Variants in ITFG1 observed in about 807,000 individuals in gnomAD.
The protein encoded by ITFG1 is T-cell immunomodulatory protein.
ITFG1 carries 34 observed loss-of-function variants against 81.8 expected under a neutral mutation model. The ratio of observed to expected loss-of-function variants is 0.42; its 90% CI spans 0.32 to 0.55. The LOEUF (loss-of-function observed/expected upper bound fraction) is 0.55. ITFG1 is among the 20% of genes least tolerant of loss of function. ITFG1 has a pLI of 0.17. For missense variants in ITFG1, 672 were observed against 755.4 expected (o/e 0.89, Z 1.29); for synonymous variants, 285 against 270.6 (o/e 1.05, Z -0.52).
At chr16:47,385,501 A>T (rs970922582) in intron 6 of ITFG1, among the ~76,000 whole-genome samples, 2 of 152,244 alleles carry the variant, frequency 1.3e-5, no homozygotes, top group Admixed American at 6.5e-5. Flanking sequence ...AAGCAGAAAC[A>T]AGTATAATAG....
At chr16:47,451,355 T>C (rs1329496121) in intron 5 of ITFG1, 41 bp downstream of exon 5, 2 of 1,048,554 alleles carry the variant, frequency 1.9e-6, no homozygotes, top group Non-Finnish European at 2.9e-6. Context: ...GTAGAAGCAA[T>C]ATATACGATT....
intron 14 of ITFG1, 55 bp from the exon 15 acceptor site, chr16:47,162,719 A>G (rs1357711370): frequency 6.9e-7 from 1 of 1,445,946 alleles, no homozygotes; most frequent in Non-Finnish European, 9.3e-7. Flanking sequence ...CATTGCTCCC[A>G]TCAAATATTA....
intron 13 of ITFG1, among the ~76,000 whole-genome samples, chr16:47,219,841 T>G (rs886376143): frequency 1.3e-5 from 2 of 152,178 alleles, no homozygotes; most frequent in Non-Finnish European, 2.9e-5. Context: ...CCAATGGCTA[T>G]GAGAAAATAG....
At chr16:47,185,274 G>A (rs534596556) in intron 14 of ITFG1, among the ~76,000 whole-genome samples, 83 of 152,212 alleles carry the variant, frequency 5.5e-4, no homozygotes, top group African/African-American at 1.9e-3. Context: ...TGCACCAAGC[G>A]GACCTAATAG....
At chr16:47,365,895 T>G (rs986474602) in intron 7 of ITFG1, 26 bp from the exon 8 acceptor site, 1 of 1,184,432 alleles carries the variant, frequency 8.4e-7, no homozygotes, top group Admixed American at 1.7e-5. Context: ...AACTTTGAAT[T>G]AGACCATCTT....
At chr16:47,271,533 G>A (rs1426988578) in intron 10 of ITFG1, among the ~76,000 whole-genome samples, 4 of 152,148 alleles carry the variant, frequency 2.6e-5, no homozygotes, top group South Asian at 2.1e-4. Context: ...TGGCAAACCT[G>A]CTTTGAAATA....
At chr16:47,189,577 A>G (rs1452075202) in intron 14 of ITFG1, among the ~76,000 whole-genome samples, 1 of 152,204 alleles carries the variant, frequency 6.6e-6, no homozygotes, top group African/African-American at 2.4e-5. Flanking sequence ...TGAATATACC[A>G]TATCTGTGGT....
intron 5 of ITFG1, among the ~76,000 whole-genome samples, chr16:47,434,363 A>T (rs2151611567): frequency 6.6e-6 from 1 of 152,254 alleles, no homozygotes; most frequent in African/African-American, 2.4e-5. Flanking sequence ...ACAAGAAAAA[A>T]AAAAAACCAT....
chr16:47,197,567 T>G (rs1965373397), intron 14 of ITFG1, among the ~76,000 whole-genome samples: 1 of 152,260 alleles, frequency 6.6e-6, no homozygotes, highest in Admixed American at 6.5e-5. Context: ...TTGCCACACT[T>G]GCTCAGGACA....
chr16:47,361,424 A>G (rs1968107656), intron 8 of ITFG1, among the ~76,000 whole-genome samples: 6 of 152,180 alleles, frequency 3.9e-5, no homozygotes, highest in Admixed American at 3.9e-4. Context: ...TAATTTAATA[A>G]GAGATAACAC....
At chr16:47,167,585 T>C (rs756052467) in intron 14 of ITFG1, among the ~76,000 whole-genome samples, 1 of 151,840 alleles carries the variant, frequency 6.6e-6, no homozygotes, top group East Asian at 1.9e-4. Flanking sequence ...CCCCCTTGAC[T>C]GTAATTTTCC....
At chr16:47,231,597 C>G (rs1178023228) in intron 13 of ITFG1, among the ~76,000 whole-genome samples, 1 of 152,042 alleles carries the variant, frequency 6.6e-6, no homozygotes, top group African/African-American at 2.4e-5. Context: ...AATGGAACAC[C>G]AACATTTCTC....
At chr16:47,416,690 A>G (rs988628560) in intron 6 of ITFG1, among the ~76,000 whole-genome samples, 2 of 152,162 alleles carry the variant, frequency 1.3e-5, no homozygotes, top group Non-Finnish European at 2.9e-5. Flanking sequence ...CTGTCTCACA[A>G]TATGATGTGC....
intron 8 of ITFG1, among the ~76,000 whole-genome samples, chr16:47,343,247 C>T (rs1356409129): frequency 6.6e-6 from 1 of 152,068 alleles, no homozygotes; most frequent in Non-Finnish European, 1.5e-5. Context: ...GAATAGTCTC[C>T]TCAACAGATG....
intron 3 of ITFG1, 143 bp from the exon 4 acceptor site, chr16:47,452,933 A>C (rs963816164): frequency 2.1e-5 from 11 of 517,306 alleles, no homozygotes; most frequent in Non-Finnish European, 3.0e-5. Context: ...GAGATACTAT[A>C]AATCTAGTTC....
intron 7 of ITFG1, among the ~76,000 whole-genome samples, chr16:47,368,062 G>A (rs1484101516): frequency 4.0e-5 from 6 of 151,420 alleles, no homozygotes; most frequent in East Asian, 1.9e-4. Context: ...GTGAAACCCC[G>A]TCTCTACTAA....
chr16:47,186,627 A>C (rs1427456480), intron 14 of ITFG1, among the ~76,000 whole-genome samples: 1 of 152,214 alleles, frequency 6.6e-6, no homozygotes, highest in Non-Finnish European at 1.5e-5. Flanking sequence ...AATAAGAGCT[A>C]TCTATGACAA....
At chr16:47,356,830 G>A (rs1968046248) in intron 8 of ITFG1, among the ~76,000 whole-genome samples, 1 of 152,126 alleles carries the variant, frequency 6.6e-6, no homozygotes, top group South Asian at 2.1e-4. Flanking sequence ...TTTGAAAATA[G>A]GGCAGGATAT....
intron 14 of ITFG1, among the ~76,000 whole-genome samples, chr16:47,195,752 TA>T (rs1217745730): frequency 6.6e-6 from 1 of 152,108 alleles, no homozygotes; most frequent in Non-Finnish European, 1.5e-5. Context: ...TAATTTCTTC[TA>T]AAAAACAAAA....
Sources: allele counts gnomAD v4.1 joint callset (sites outside exome capture counted in the v4.1 genomes callset), GRCh38; gene constraint gnomAD v4.1.1; transcripts MANE v1.5; gene names NCBI Gene and HGNC (gene_info 2026-07-23, HGNC 2026-07-21).